FBXO4: variants seen among roughly 807,000 people sequenced by gnomAD.
FBXO4 encodes the protein F-box protein 4.
In FBXO4, 36 loss-of-function variants were observed where a neutral mutation model predicts 43.7. The observed-to-expected ratio is 0.82, with a 90% CI of 0.63 to 1.09. The LOEUF is 1.09. Ranked by LOEUF, FBXO4 falls within the 50% of genes least tolerant of loss-of-function variation. FBXO4 has a pLI of 0.00. For synonymous variants in FBXO4, 180 were observed against 165.6 expected (o/e 1.09, Z -0.67); for missense variants, 435 against 474.1 (o/e 0.92, Z 0.77).
At chr5:41,959,314 T>G in the FBXO4 span, among the ~76,000 whole-genome samples, 1 of 152,194 alleles carries the variant, frequency 6.6e-6, no homozygotes, top group South Asian at 2.1e-4. Flanking sequence ...ATCTATGGTG[T>G]TCAGATATTT....
chr5:41,929,841 T>C lies in FBXO4; in HGVS notation c.570T>C (p.Asn190=), dbSNP rs1438923555. The C allele has an allele frequency of 1.9e-6, 3 of 1,614,116 alleles. No individual in the cohort carries two copies. The African/African-American group carries it at 4.0e-5, about 22-fold the overall frequency. ...AMFGPGLEEL[N]TSLVLSLMSS... is the part of the protein sequence containing the mutation. Reference sequence around the variant, plus strand: ...TTGGACCAGGTTTGGAAGAATTGAATACCTCTTTGGTGTTGAGCTTGATGT... The same window carrying C: ...TTGGACCAGGTTTGGAAGAATTGAACACCTCTTTGGTGTTGAGCTTGATGT... The change falls in exon 3 of 7, where the codon AAT becomes AAC. Residue 190 remains asparagine, a synonymous_variant. Transcript: ENST00000281623.
At chr5:42,032,057 C>G in the FBXO4 span, among the ~76,000 whole-genome samples, 3 of 139,236 alleles carry the variant, frequency 2.2e-5, no homozygotes, top group African/African-American at 8.1e-5. Context: ...GTCTTTTTTT[C>G]TGTGTGTGTG....
the FBXO4 span, chr5:41,967,681 T>A: frequency 3.0e-6 from 2 of 663,038 alleles, no homozygotes; most frequent in South Asian, 2.9e-5. Context: ...GTATACGGAA[T>A]ACTGGTCCAG....
chr5:41,951,539 G>T, the FBXO4 span: 1 of 260,190 alleles, frequency 3.8e-6, no homozygotes, highest in Non-Finnish European at 7.3e-6. Context: ...CTTGGTCACA[G>T]CTTTTTCAGC....
the FBXO4 span, among the ~76,000 whole-genome samples, chr5:41,958,849 C>T: frequency 2.0e-5 from 3 of 152,156 alleles, no homozygotes; most frequent in South Asian, 2.1e-4. Flanking sequence ...AATAATGCTG[C>T]GACAAATAAG....
chr5:41,942,358 G>T (rs905962851), downstream of FBXO4, among the ~76,000 whole-genome samples: 6 of 151,678 alleles, frequency 4.0e-5, no homozygotes, highest in African/African-American at 1.5e-4. Flanking sequence ...CCAAAGTTAT[G>T]ATAGAAGAGT....
At chr5:42,020,358 G>T in the FBXO4 span, among the ~76,000 whole-genome samples, 241 of 152,100 alleles carry the variant, frequency 1.6e-3, 1 homozygote, top group African/African-American at 5.4e-3. Context: ...TTTGTTGACT[G>T]GGATAAACAT....
At chr5:41,952,565 C>T in the FBXO4 span, among the ~76,000 whole-genome samples, 1 of 152,138 alleles carries the variant, frequency 6.6e-6, no homozygotes, top group Non-Finnish European at 1.5e-5. Context: ...AGAACATTTA[C>T]ATCACCTCAA....
At chr5:41,934,659 C>T (rs973905562) in intron 5 of FBXO4, 4 of 1,090,626 alleles carry the variant, frequency 3.7e-6, no homozygotes, top group African/African-American at 3.3e-5. Context: ...CTTTATGCTT[C>T]TGCATTTTTT....
At chr5:41,978,240 A>G in the FBXO4 span, among the ~76,000 whole-genome samples, 2 of 152,152 alleles carry the variant, frequency 1.3e-5, no homozygotes, top group African/African-American at 2.4e-5. Context: ...TGTAAAAGGG[A>G]TGGCGTAAAA....
the FBXO4 span, among the ~76,000 whole-genome samples, chr5:41,973,196 T>A: frequency 5.9e-5 from 9 of 152,162 alleles, no homozygotes; most frequent in Non-Finnish European, 1.0e-4. Context: ...TAATATCTCA[T>A]ATTTATTAGG....
At chr5:41,937,257 G>C (rs1751874802) in intron 5 of FBXO4, among the ~76,000 whole-genome samples, 3 of 151,984 alleles carry the variant, frequency 2.0e-5, no homozygotes. Flanking sequence ...GAGATAAAGA[G>C]AACATCTTTA....
chr5:41,971,629 C>A, the FBXO4 span, among the ~76,000 whole-genome samples: 1 of 151,942 alleles, frequency 6.6e-6, no homozygotes, highest in South Asian at 2.1e-4. Flanking sequence ...TCCTCATCTT[C>A]TTTCCTGATT....
the FBXO4 span, among the ~76,000 whole-genome samples, chr5:42,031,014 T>C: frequency 7.2e-5 from 11 of 152,182 alleles, no homozygotes; most frequent in African/African-American, 2.7e-4. Flanking sequence ...TTGGTGGGAC[T>C]GTAAACTAGT....
chr5:41,992,826 A>T, the FBXO4 span, among the ~76,000 whole-genome samples: 2 of 150,146 alleles, frequency 1.3e-5, no homozygotes, highest in Non-Finnish European at 3.0e-5. Flanking sequence ...ATTTTCAGCA[A>T]GTATGCTGCC....
At chr5:41,981,078 T>C in the FBXO4 span, among the ~76,000 whole-genome samples, 6 of 152,224 alleles carry the variant, frequency 3.9e-5, no homozygotes, top group African/African-American at 1.4e-4. Context: ...TTCTGTAATT[T>C]TTATCTGCTG....
chr5:42,000,591 C>T, the FBXO4 span, among the ~76,000 whole-genome samples: 3 of 152,148 alleles, frequency 2.0e-5, no homozygotes, highest in Admixed American at 6.5e-5. Context: ...TAGTTTGATG[C>T]AATCTAATTT....
Position 41,927,232 on chromosome 5 carries a change from T to C in FBXO4, c.409T>C (p.Phe137Leu), listed in dbSNP as rs1250833124. 1.9e-6 allele frequency: 3 copies of C among 1,602,578 alleles called. No individual in the cohort carries two copies. The highest frequency in any genetic ancestry group is 1.1e-5 in the South Asian group (1 of 88,744). The change falls in exon 2 of 7, where the codon TTT (phenylalanine) becomes CTT (leucine). Residue 137 changes from phenylalanine to leucine, a missense_variant. Phe to Leu is a conservative substitution (Grantham distance 22). Transcript: ENST00000281623. ...ATCTGAGGTCACTGATGGTGCATTT[T>C]TTGACTACATGGCAGTGTAAGTATC... The part of the protein sequence containing the change: ...PISEVTDGAF[F>L]DYMAVYRMCC...
At chr5:41,993,606 C>G in the FBXO4 span, among the ~76,000 whole-genome samples, 1 of 128,150 alleles carries the variant, frequency 7.8e-6, no homozygotes, top group South Asian at 2.5e-4. Context: ...TCAAGAGAGA[C>G]AGAACTAATA....
Sources: allele counts gnomAD v4.1 joint callset (sites outside exome capture counted in the v4.1 genomes callset), GRCh38; gene constraint gnomAD v4.1.1; transcripts MANE v1.5; gene names NCBI Gene and HGNC (gene_info 2026-07-23, HGNC 2026-07-21).